C3orf18: variants seen among roughly 807,000 people sequenced by gnomAD.
The protein encoded by C3orf18 is chromosome 3 open reading frame 18.
A neutral mutation model predicts 14.1 loss-of-function variants in C3orf18; 12 were observed. The observed-to-expected ratio is 0.85, with a 90% CI of 0.55 to 1.38. C3orf18 has a LOEUF of 1.38. C3orf18 is among the 40% of genes most tolerant of loss of function. C3orf18 has a pLI of 0.00. For synonymous variants in C3orf18, 82 were observed against 87.9 expected, an observed-to-expected ratio of 0.93 and a Z score of 0.38; for missense variants, 196 against 213.9, an observed-to-expected ratio of 0.92 and a Z score of 0.52.
At chr3:50,563,662 G>A (rs567993627) in intron 3 of C3orf18, among the ~76,000 whole-genome samples, 19 of 152,078 alleles carry the variant, frequency 1.2e-4, no homozygotes, top group Non-Finnish European at 1.9e-4. Context: ...GGCTGGCATC[G>A]GGGAGAGGAA....
At chr3:50,561,841 C>G (rs537942320) in intron 3 of C3orf18, 94 bp from the exon 4 acceptor site, 19 of 1,322,886 alleles carry the variant, frequency 1.4e-5, no homozygotes, top group South Asian at 9.5e-5. Context: ...GGCTGATGAA[C>G]AAGAGACCCG....
chr3:50,562,550 G>A (rs1241396607), intron 3 of C3orf18: 3 of 455,450 alleles, frequency 6.6e-6, no homozygotes, highest in Non-Finnish European at 1.3e-5. Flanking sequence ...GAGCCCAGGA[G>A]TTCAAGTCCA....
At chr3:50,560,134 CA>C (rs1031599239) in intron 5 of C3orf18, among the ~76,000 whole-genome samples, 1 of 152,166 alleles carries the variant, frequency 6.6e-6, no homozygotes, top group African/African-American at 2.4e-5. Context: ...CTGAATATCC[CA>C]AGGGGGCAAT....
chr3:50,563,256 T>C (rs938255423), intron 3 of C3orf18, among the ~76,000 whole-genome samples: 2 of 152,064 alleles, frequency 1.3e-5, no homozygotes, highest in Admixed American at 6.5e-5. Context: ...GGGTAGGCTG[T>C]GACAGGAACT....
chr3:50,561,130 C>T, intron 4 of C3orf18, 66 bp from the exon 5 acceptor site: 1 of 1,541,770 alleles, frequency 6.5e-7, no homozygotes, highest in East Asian at 2.3e-5. Flanking sequence ...GCCCTCCAGG[C>T]CCTGCCTCCT....
At chr3:50,572,255 T>G, upstream of C3orf18, 1 of 1,572,358 alleles carries the variant, frequency 6.4e-7, no homozygotes, top group South Asian at 1.1e-5. Flanking sequence ...ATGGTGGAGT[T>G]CAGGGCACCA....
upstream of C3orf18, among the ~76,000 whole-genome samples, chr3:50,568,725 C>CAAAAAAAA (rs66828816): frequency 1.4e-4 from 12 of 84,026 alleles, no homozygotes; most frequent in African/African-American, 4.0e-4. Context: ...AACTCCGTCT[C>CAAAAAAAA]AAAAAAAAAA....
chr3:50,559,000 C>T lies in C3orf18; in HGVS notation c.*657G>A. 4 of 1,289,644 alleles carry T rather than the reference C, an allele frequency of 3.1e-6. No individual in the cohort carries two copies. The highest frequency in any genetic ancestry group is 4.0e-6 in the Non-Finnish European group (4 of 988,734). 79.9% of individuals were successfully genotyped at this position (1,289,644 alleles called of 1,614,324 possible). A position where few individuals can be genotyped will look rare whatever the true frequency, so the allele number is the denominator to read the frequency against. ...ATTCCCCTACTTCCTTCCCCCTCAGCTCCCATCCTAGCTTGGCCCCAGTAA... is the reference window on the plus strand; with the variant it reads ...ATTCCCCTACTTCCTTCCCCCTCAGTTCCCATCCTAGCTTGGCCCCAGTAA... On this transcript the variant is annotated 3_prime_UTR_variant, in exon 6 of 6. Coordinates refer to ENST00000357203, the MANE Select transcript of C3orf18 (RefSeq NM_016210.5).
At chr3:50,568,743 A>G (rs933539688), upstream of C3orf18, among the ~76,000 whole-genome samples, 196 of 150,910 alleles carry the variant, frequency 1.3e-3, no homozygotes, top group African/African-American at 4.6e-3. Flanking sequence ...AAAAAAAAAA[A>G]AAAGAAAAAA....
chr3:50,574,241 T>A (rs1172245363), upstream of C3orf18, among the ~76,000 whole-genome samples: 3 of 152,198 alleles, frequency 2.0e-5, no homozygotes, highest in African/African-American at 4.8e-5. Context: ...CCAGCATGGC[T>A]TTTAGTCTTG....
chr3:50,572,735 G>T (rs949790961), upstream of C3orf18, among the ~76,000 whole-genome samples: 1 of 152,364 alleles, frequency 6.6e-6, no homozygotes, highest in Middle Eastern at 3.4e-3. Context: ...GACTGGTCTG[G>T]TAATCACCTG....
upstream of C3orf18, among the ~76,000 whole-genome samples, chr3:50,572,840 G>T (rs897636327): frequency 6.6e-6 from 1 of 152,200 alleles, no homozygotes. Context: ...GCTTTATATG[G>T]CCCTTCTTGG....
intron 3 of C3orf18, chr3:50,562,391 G>A (rs1231066748): frequency 9.0e-6 from 4 of 443,088 alleles, no homozygotes; most frequent in Admixed American, 4.9e-5. Context: ...CCCCAGGGCT[G>A]AAGAAGAAAG....
chr3:50,559,227 A>G lies in C3orf18; in HGVS notation c.*430T>C. 2 of 1,283,372 alleles carry G rather than the reference A, an allele frequency of 1.6e-6. No homozygotes were observed. Among genetic ancestry groups the G allele is most frequent in the Admixed American group, 4.8e-5 (2 of 42,104 alleles). 79.5% of individuals were successfully genotyped at this position (1,283,372 alleles called of 1,614,324 possible). On this transcript the variant is annotated 3_prime_UTR_variant, in exon 6 of 6. Coordinates refer to ENST00000357203, the MANE Select transcript of C3orf18 (RefSeq NM_016210.5). ...GGGTGGTTTCCTCTCCCCACCCCAG[A>G]GGAGGCTCCAGATTCCAAAAAACAG... is the stretch of plus-strand genomic sequence containing the variant.
At position 50,565,062 on chromosome 3, in the gene C3orf18, C is replaced by T. The variant is rs551086526; in HGVS notation, c.234+404G>A. Among the ~76,000 whole-genome samples, 1 of 152,276 alleles carries T rather than the reference C, an allele frequency of 6.6e-6. No individual in the cohort carries two copies. Among genetic ancestry groups the T allele is most frequent in the East Asian group, 1.9e-4 (1 of 5,184 alleles). ...GACAAATCTCTGCAGGAGAGGAGGA[C>T]TGCACTCTCATTAATAGATTGTTGG... On this transcript the variant is annotated intron_variant, in intron 3 of 5. Transcript: ENST00000357203. This position sits in a 1 kb window ranked among gnomAD's most constrained non-coding sequence, Gnocchi z 4.4.
At position 50,565,490 on chromosome 3, in the gene C3orf18, C is replaced by G; in HGVS notation, c.210G>C (p.Thr70=). 6.2e-7 allele frequency: 1 copy of G among 1,613,994 alleles called. No individual in the cohort carries two copies. The highest frequency in any genetic ancestry group is 8.5e-7 in the Non-Finnish European group (1 of 1,179,990). The change falls in exon 3 of 6, where the codon ACG becomes ACC. Residue 70 remains threonine (T), a synonymous_variant. Transcript: ENST00000357203. This position sits in a 1 kb window ranked among gnomAD's most constrained non-coding sequence, Gnocchi z 4.4. ...CCAAGGCCACAGCCAGGCCTATCACCGTGATGATCCCAAAGGACAGAAGCA... is the reference window on the plus strand; with the variant it reads ...CCAAGGCCACAGCCAGGCCTATCACGGTGATGATCCCAAAGGACAGAAGCA... ...GTMLLSFGII[T]VIGLAVALVL...
intron 5 of C3orf18, among the ~76,000 whole-genome samples, chr3:50,560,172 TG>T (rs1307084034): frequency 6.6e-6 from 1 of 152,192 alleles, no homozygotes; most frequent in African/African-American, 2.4e-5. Context: ...GATGCAGAGC[TG>T]GTGGCAAAAC....
Position 50,565,100 on chromosome 3 carries a change from C to T in C3orf18, c.234+366G>A, listed in dbSNP as rs1700209387. Among the ~76,000 whole-genome samples the T allele has an allele frequency of 6.6e-6, 1 of 152,192 alleles. No individual in the cohort carries two copies. The highest frequency in any genetic ancestry group is 6.5e-5 in the Admixed American group (1 of 15,284). On this transcript the variant is annotated intron_variant, in intron 3 of 5. Coordinates refer to ENST00000357203, the MANE Select transcript of C3orf18 (RefSeq NM_016210.5). This position sits in a 1 kb window ranked among gnomAD's most constrained non-coding sequence, Gnocchi z 4.4. ...AATAGATTGTTGGCGGGCACAGAGG[C>T]TCATGTCTGTAATCCCAGCACTTTG... is the stretch of plus-strand genomic sequence containing the variant.
chr3:50,570,203 G>A (rs1700782177), upstream of C3orf18: 1 of 152,222 alleles, frequency 6.6e-6, no homozygotes, highest in African/African-American at 2.4e-5. Flanking sequence ...GACCCTACTT[G>A]TATCTGAAGA....
Sources: gnomAD v4.1 joint callset for allele counts (sites outside exome capture counted in the v4.1 genomes callset) on GRCh38, gnomAD v4.1.1 for gene constraint, Gnocchi (gnomAD v3.1) non-coding constraint, MANE v1.5 for transcripts, NCBI Gene and HGNC (gene_info 2026-07-23, HGNC 2026-07-21) for gene names.